Variants in ATP8A2 observed in about 807,000 individuals in gnomAD.
ATP8A2 encodes the protein ATPase phospholipid transporting 8A2.
Under a neutral mutation model 165.6 loss-of-function variants are expected in ATP8A2, and 100 were observed. The ratio of observed to expected loss-of-function variants is 0.60; its 90% CI spans 0.51 to 0.71. The LOEUF (loss-of-function observed/expected upper bound fraction) is 0.71. ATP8A2 is among the 30% of genes least tolerant of loss of function. The pLI is 0.00. For missense variants in ATP8A2, 1,227 were observed against 1,479.5 expected (o/e 0.83, Z 2.80); for synonymous variants, 543 against 548.8 (o/e 0.99, Z 0.15).
chr13:25,377,023 C>T (rs758098495), intron 1 of ATP8A2, among the ~76,000 whole-genome samples: 11 of 152,180 alleles, frequency 7.2e-5, no homozygotes, highest in South Asian at 2.1e-4. Context: ...CCTCTGCGGA[C>T]GCCTTCCGTT....
At chr13:25,759,614 C>T (rs1438425592) in intron 25 of ATP8A2, among the ~76,000 whole-genome samples, 1 of 152,120 alleles carries the variant, frequency 6.6e-6, no homozygotes, top group Non-Finnish European at 1.5e-5. Flanking sequence ...CAAATTAATG[C>T]TTTTTGTGCT....
At chr13:25,616,225 C>T (rs1281987507) in intron 24 of ATP8A2, among the ~76,000 whole-genome samples, 1 of 152,044 alleles carries the variant, frequency 6.6e-6, no homozygotes, top group Non-Finnish European at 1.5e-5. Flanking sequence ...ACCCATGCCA[C>T]CCAACAATCT....
chr13:25,651,790 G>A (rs1271143821), intron 24 of ATP8A2, among the ~76,000 whole-genome samples: 1 of 151,970 alleles, frequency 6.6e-6, no homozygotes, highest in Non-Finnish European at 1.5e-5. Flanking sequence ...TCTAAAGTAT[G>A]TCTTTATATA....
intron 24 of ATP8A2, among the ~76,000 whole-genome samples, chr13:25,594,871 G>T (rs2040190969): frequency 6.6e-6 from 1 of 151,928 alleles, no homozygotes; most frequent in African/African-American, 2.4e-5. Flanking sequence ...GTACAAAAAA[G>T]ATACTTGCAC....
chr13:25,684,409 G>A (rs1320008464), intron 24 of ATP8A2, among the ~76,000 whole-genome samples: 1 of 152,134 alleles, frequency 6.6e-6, no homozygotes, highest in Admixed American at 6.5e-5. Context: ...CTCAAGACAA[G>A]CTGAAGGCTG....
In ATP8A2 at chr13:25,555,027, G is replaced by T; in HGVS notation, c.1222G>T (p.Ala408Ser). The stretch of plus-strand genomic sequence containing the variant: ...GTATTATATAGGAAATGACACTCCT[G>T]CCATGGCCAGGACATCAAACCTTAA... Reference protein sequence around the residue: ...DMYYIGNDTPAMARTSNLNEE... With the variant: ...DMYYIGNDTPSMARTSNLNEE... Residue 408 changes from alanine to serine, a missense_variant, in exon 13 of 37, where the codon GCC (alanine) becomes TCC (serine). Around this residue, in one of 5 missense-constraint regions of ATP8A2, gnomAD observed 592 missense variants for 785.6 expected, o/e 0.75. Transcript: ENST00000381655. The T allele has an allele frequency of 6.2e-7, 1 of 1,613,012 alleles. No homozygotes were observed. The highest frequency in any genetic ancestry group is 8.5e-7 in the Non-Finnish European group (1 of 1,179,232).
intron 30 of ATP8A2, among the ~76,000 whole-genome samples, chr13:25,844,232 T>G (rs1383001779): frequency 7.6e-6 from 1 of 131,898 alleles, no homozygotes; most frequent in South Asian, 2.4e-4. Context: ...GAATTCTTAT[T>G]ACACTTTTTT....
At chr13:25,758,580 A>G (rs1234674703) in intron 25 of ATP8A2, among the ~76,000 whole-genome samples, 8 of 152,236 alleles carry the variant, frequency 5.3e-5, no homozygotes, top group East Asian at 1.9e-4. Context: ...TGTTTCTTCT[A>G]TGGATACACA....
At chr13:25,429,626 C>T (rs1355695610) in intron 1 of ATP8A2, among the ~76,000 whole-genome samples, 3 of 152,108 alleles carry the variant, frequency 2.0e-5, no homozygotes, top group Admixed American at 6.5e-5. Flanking sequence ...GTGGGAAACC[C>T]GGTGGTTCCG....
At chr13:25,768,100 A>G (rs1200184011) in intron 25 of ATP8A2, among the ~76,000 whole-genome samples, 1 of 149,376 alleles carries the variant, frequency 6.7e-6, no homozygotes, top group Admixed American at 6.7e-5. Context: ...TGGGGGGGCA[A>G]GTGCTGTTTA....
At chr13:25,959,054 C>T (rs1955597348) in intron 33 of ATP8A2, among the ~76,000 whole-genome samples, 1 of 152,156 alleles carries the variant, frequency 6.6e-6, no homozygotes, top group Non-Finnish European at 1.5e-5. Context: ...ACAGCTTGAA[C>T]AAGTCCATCT....
At position 25,793,835 on chromosome 13, in the gene ATP8A2, G is replaced by A. The variant is rs369045196; in HGVS notation, c.2679+18876G>A. ...TTTTCTGATGTCATGAGTGTACTCA[G>A]GTGACCACATTTTGAATCTTTTTAC... On this transcript the variant is annotated intron_variant, in intron 27 of 36. Coordinates refer to ENST00000381655, the MANE Select transcript of ATP8A2 (RefSeq NM_016529.6). Among the ~76,000 whole-genome samples, 122 of 152,198 alleles carry A rather than the reference G, an allele frequency of 8.0e-4. 1 individual carries two copies. Among genetic ancestry groups the A allele is most frequent in the South Asian group, 3.1e-3 (15 of 4,808 alleles).
rs146203329 is a variant in ATP8A2 at position 25,662,197 on chromosome 13, A to G, written c.2212-36976A>G. On this transcript the variant is annotated intron_variant, in intron 24 of 36. Coordinates refer to ENST00000381655, the MANE Select transcript of ATP8A2 (RefSeq NM_016529.6). The stretch of plus-strand genomic sequence containing the variant: ...TATATGCAGATTTCTAGAAGAGTAC[A>G]TAGCATATTGTAAGCGCTGTTATAC... Among the ~76,000 whole-genome samples, 376 of 152,324 alleles carry G rather than the reference A, an allele frequency of 2.5e-3. 2 individuals are homozygous for G. The highest frequency in any genetic ancestry group is 8.6e-3 in the African/African-American group (359 of 41,568).
chr13:25,655,964 C>T (rs1176284169), intron 24 of ATP8A2, among the ~76,000 whole-genome samples: 1 of 152,138 alleles, frequency 6.6e-6, no homozygotes, highest in Non-Finnish European at 1.5e-5. Context: ...AATAAACAAG[C>T]TCGTCTTTCC....
chr13:25,641,759 A>T (rs1361020318), intron 24 of ATP8A2, among the ~76,000 whole-genome samples: 1 of 151,960 alleles, frequency 6.6e-6, no homozygotes, highest in Admixed American at 6.6e-5. Context: ...ACTACTTTAA[A>T]GTTCATATGG....
intron 33 of ATP8A2, among the ~76,000 whole-genome samples, chr13:25,896,558 G>A (rs1953555612): frequency 6.6e-6 from 1 of 152,162 alleles, no homozygotes; most frequent in African/African-American, 2.4e-5. Context: ...TCTGCTTGGT[G>A]CAGAGCTGAG....
intron 2 of ATP8A2, among the ~76,000 whole-genome samples, chr13:25,512,694 CAA>C (rs2037283083): frequency 6.8e-6 from 1 of 146,500 alleles, no homozygotes; most frequent in Non-Finnish European, 1.5e-5. Context: ...GCTGACCCCC[CAA>C]CCTCCCTCCC....
intron 25 of ATP8A2, among the ~76,000 whole-genome samples, chr13:25,710,759 G>T (rs1226710514): frequency 2.1e-5 from 3 of 143,172 alleles, no homozygotes; most frequent in East Asian, 3.9e-4. Flanking sequence ...AGCATGAGGT[G>T]CTATGAAAGC....
chr13:25,806,305 T>C (rs1950738530), intron 27 of ATP8A2, among the ~76,000 whole-genome samples: 1 of 152,132 alleles, frequency 6.6e-6, no homozygotes, highest in African/African-American at 2.4e-5. Context: ...ATACAGAAGA[T>C]GGCAGCTTTA....
Sources: allele counts gnomAD v4.1 joint callset (sites outside exome capture counted in the v4.1 genomes callset), GRCh38; gene constraint gnomAD v4.1.1; regional missense constraint gnomAD v4.1.1; transcripts MANE v1.5; gene names NCBI Gene and HGNC (gene_info 2026-07-23, HGNC 2026-07-21).